HOTAIR: variants seen among roughly 807,000 people sequenced by gnomAD.
The protein encoded by HOTAIR is HOX transcript antisense RNA (non-protein coding).
chr12:53,970,882 T>C (rs1939137167), intron 1 of HOTAIR, among the ~76,000 whole-genome samples: 1 of 152,072 alleles, frequency 6.6e-6, no homozygotes, highest in African/African-American at 2.4e-5. Context: ...CACATCACCC[T>C]GGAGGGCCAG....
chr12:53,972,162 T>G (rs752249323), intron 1 of HOTAIR, among the ~76,000 whole-genome samples: 1 of 152,214 alleles, frequency 6.6e-6, no homozygotes, highest in Non-Finnish European at 1.5e-5. Flanking sequence ...CCTGGACCCC[T>G]ACACTAGGCT....
At chr12:53,972,401 A>T (rs980510582) in intron 1 of HOTAIR, among the ~76,000 whole-genome samples, 3 of 152,206 alleles carry the variant, frequency 2.0e-5, no homozygotes, top group African/African-American at 7.2e-5. Flanking sequence ...TTTTTCCCAG[A>T]CTTCGCCAGG....
chr12:53,974,334 GA>G (rs1480059247), intron 1 of HOTAIR, among the ~76,000 whole-genome samples: 1 of 147,840 alleles, frequency 6.8e-6, no homozygotes, highest in East Asian at 2.1e-4. Context: ...TGGAGGGGGA[GA>G]AAGGGGAGGG....
chr12:53,963,679 T>G (rs553393371), exon 7 of HOTAIR: 1 of 152,300 alleles, frequency 6.6e-6, no homozygotes, highest in Admixed American at 6.5e-5. Context: ...AGCCTCATCA[T>G]AAAGATGGAG....
rs201200152 is a variant in HOTAIR, at chr12:53,973,529, C to G, written n.59+1369G>C. On this transcript the variant is annotated intron_variant and non_coding_transcript_variant, in intron 1 of 6. Coordinates refer to ENST00000424518, the Ensembl canonical transcript of HOTAIR. This position sits in a 1 kb window ranked among gnomAD's most constrained non-coding sequence, Gnocchi z 4.3. ...GCTACTCCTCCTGCTATGCGGCGGC[C>G]GACGAGCTTATGCACCGGGAGTGCC... 4.3e-5 allele frequency: 70 copies of G among 1,613,738 alleles called. No homozygotes were observed. Among genetic ancestry groups the G allele is most frequent in the African/African-American group, 6.7e-5 (5 of 75,038 alleles).
chr12:53,967,710 G>T (rs945377128), intron 2 of HOTAIR, among the ~76,000 whole-genome samples: 2 of 152,194 alleles, frequency 1.3e-5, no homozygotes, highest in Non-Finnish European at 2.9e-5. Flanking sequence ...CTGGGAAGGG[G>T]AGCTCCAGTT....
In HOTAIR at chr12:53,973,779, G is replaced by C; in HGVS notation, n.59+1119C>G. The C allele has an allele frequency of 1.2e-6, 2 of 1,606,974 alleles. No individual in the cohort carries two copies. The highest frequency in any genetic ancestry group is 2.7e-5 in the African/African-American group (2 of 74,732). ...CTCCGGCAAGGGCGAGGCCAAGGGG[G>C]AGCCCGAGGCACCCCCGGCCTCGGG... On this transcript the variant is annotated intron_variant and non_coding_transcript_variant, in intron 1 of 6. Transcript: ENST00000424518. This position sits in a 1 kb window ranked among gnomAD's most constrained non-coding sequence, Gnocchi z 4.3.
chr12:53,973,179 A>G lies in HOTAIR; in HGVS notation n.59+1719T>C. On this transcript the variant is annotated intron_variant and non_coding_transcript_variant, in intron 1 of 6. Coordinates refer to ENST00000424518, the Ensembl canonical transcript of HOTAIR. This position sits in a 1 kb window ranked among gnomAD's most constrained non-coding sequence, Gnocchi z 4.3. Reference sequence around the variant, plus strand: ...ATAACGCGTCATCTCGCCTTCCCAAATTTTCCCCCCTCGCTAGACCGGGTC... The same window carrying G: ...ATAACGCGTCATCTCGCCTTCCCAAGTTTTCCCCCCTCGCTAGACCGGGTC... 1.5e-6 allele frequency: 2 copies of G among 1,374,302 alleles called. No homozygotes were observed. Among genetic ancestry groups the G allele is most frequent in the South Asian group, 2.8e-5 (2 of 71,716 alleles). The allele number at this position is 1,374,302 out of a possible 1,614,324, so 85.1% of individuals were successfully genotyped here.
At chr12:53,974,223 G>C (rs533119724) in intron 1 of HOTAIR, among the ~76,000 whole-genome samples, 2 of 151,784 alleles carry the variant, frequency 1.3e-5, no homozygotes, top group African/African-American at 2.4e-5. Context: ...TTTTAAAAGC[G>C]CAACCATTGC....
At chr12:53,968,804 T>G (rs895842241) in intron 1 of HOTAIR, 1 of 152,260 alleles carries the variant, frequency 6.6e-6, no homozygotes, top group Non-Finnish European at 1.5e-5. Flanking sequence ...CAAAAGATTT[T>G]TTTTTGTTTT....
Position 53,973,950 on chromosome 12 carries a change from C to T in HOTAIR, n.59+948G>A. The T allele has an allele frequency of 7.0e-7, 1 of 1,427,330 alleles. No homozygotes were observed. The highest frequency in any genetic ancestry group is 9.2e-7 in the Non-Finnish European group (1 of 1,088,644). 88.4% of individuals were successfully genotyped at this position (1,427,330 alleles called of 1,614,324 possible). A position where few individuals can be genotyped will look rare whatever the true frequency, so the allele number is the denominator to read the frequency against. The stretch of plus-strand genomic sequence containing the variant: ...TAGGTAGCAGCGGCCGGGGAACGGG[C>T]GGGCAGCGAGGGAGGGAGCGAGAGA... On this transcript the variant is annotated intron_variant and non_coding_transcript_variant, in intron 1 of 6. Coordinates refer to ENST00000424518, the Ensembl canonical transcript of HOTAIR. The surrounding 1 kb of genome is among the most constrained non-coding windows in gnomAD (Gnocchi z 4.3).
Position 53,973,585 on chromosome 12 carries a change from TG to T in HOTAIR, n.59+1312del. The T allele has an allele frequency of 6.2e-7, 1 of 1,613,026 alleles. No homozygotes were observed. Among genetic ancestry groups the T allele is most frequent in the Non-Finnish European group, 8.5e-7 (1 of 1,179,874 alleles). The stretch of plus-strand genomic sequence containing the variant: ...CCTTCCACCGTCACCGAGATCCTCA[TG>T]AAAAACGAAGGCTCCTACGGCGGCC... On this transcript the variant is annotated intron_variant and non_coding_transcript_variant, in intron 1 of 6. Coordinates refer to ENST00000424518, the Ensembl canonical transcript of HOTAIR. The surrounding 1 kb of genome is among the most constrained non-coding windows in gnomAD (Gnocchi z 4.3).
At chr12:53,971,599 G>A (rs532260213) in intron 1 of HOTAIR, among the ~76,000 whole-genome samples, 27 of 152,336 alleles carry the variant, frequency 1.8e-4, no homozygotes, top group East Asian at 7.7e-4. Flanking sequence ...AAGAGAGTTC[G>A]GGCTATTTTT....
At chr12:53,966,795 G>T (rs1939062371) in intron 3 of HOTAIR, among the ~76,000 whole-genome samples, 1 of 144,798 alleles carries the variant, frequency 6.9e-6, no homozygotes, top group African/African-American at 2.6e-5. Context: ...AGGGAGACAG[G>T]GAGACCGGGA....
At chr12:53,974,627 A>G (rs1308016838) in intron 1 of HOTAIR, among the ~76,000 whole-genome samples, 1 of 151,412 alleles carries the variant, frequency 6.6e-6, no homozygotes, top group African/African-American at 2.4e-5. Context: ...GTGCTTGCCT[A>G]GAACTGCGGT....
At chr12:53,974,061 GCATT>G in intron 1 of HOTAIR, 1 of 573,990 alleles carries the variant, frequency 1.7e-6, no homozygotes, top group Non-Finnish European at 2.7e-6. Context: ...AGTTTTATAA[GCATT>G]CAAAGGATTT....
rs1939177049 is a variant in HOTAIR, at chr12:53,973,142, A to C, written n.59+1756T>G. 3 of 854,304 alleles carry C rather than the reference A, an allele frequency of 3.5e-6. No homozygotes were observed. The highest frequency in any genetic ancestry group is 1.8e-5 in the South Asian group (1 of 56,996). 52.9% of individuals were successfully genotyped at this position (854,304 alleles called of 1,614,324 possible). On this transcript the variant is annotated intron_variant and non_coding_transcript_variant, in intron 1 of 6. Transcript: ENST00000424518. This position sits in a 1 kb window ranked among gnomAD's most constrained non-coding sequence, Gnocchi z 4.3. ...TTGGATCACGTGCTCAGAGAGAGAG[A>C]GACTAAGACGGATAACGCGTCATCT...
At chr12:53,964,838 C>G (rs1313904696) in intron 5 of HOTAIR, among the ~76,000 whole-genome samples, 3 of 151,870 alleles carry the variant, frequency 2.0e-5, no homozygotes, top group African/African-American at 7.2e-5. Flanking sequence ...TTGGAACATA[C>G]TCAAGAACGC....
chr12:53,973,418 C>A lies in HOTAIR; in HGVS notation n.59+1480G>T. 2 of 1,614,232 alleles carry A rather than the reference C, an allele frequency of 1.2e-6. No individual in the cohort carries two copies. The highest frequency in any genetic ancestry group is 1.7e-6 in the Non-Finnish European group (2 of 1,180,048). On this transcript the variant is annotated intron_variant and non_coding_transcript_variant, in intron 1 of 6. Transcript: ENST00000424518. The surrounding 1 kb of genome is among the most constrained non-coding windows in gnomAD (Gnocchi z 4.3). ...TGCCCCAGGCCCCCTCTCGTCAGAT[C>A]TCCTATCCCTACTCGGCCCAAGTGC...
Sources: allele counts gnomAD v4.1 joint callset (sites outside exome capture counted in the v4.1 genomes callset), GRCh38; gene constraint gnomAD v4.1.1; non-coding constraint Gnocchi (gnomAD v3.1); transcripts MANE v1.5; gene names NCBI Gene and HGNC (gene_info 2026-07-23, HGNC 2026-07-21).